PNPT1: variants seen among roughly 807,000 people sequenced by gnomAD.
The protein encoded by PNPT1 is polyribonucleotide nucleotidyltransferase 1, mitochondrial.
Under a neutral mutation model 119.5 loss-of-function variants are expected in PNPT1, and 53 were observed. That is an observed-to-expected ratio of 0.44 (90% confidence interval 0.36 to 0.56). The LOEUF (loss-of-function observed/expected upper bound fraction) is 0.56, where lower values mean the gene tolerates loss of function less well. PNPT1 is among the 20% of genes least tolerant of loss of function. PNPT1 has a pLI of 0.00. For synonymous variants in PNPT1, 357 were observed against 322.1 expected (o/e 1.11, Z -1.16); for missense variants, 948 against 938.5 (o/e 1.01, Z -0.13).
In PNPT1 at chr2:55,636,081, A is replaced by C. The variant is rs184353799; in HGVS notation, c.*156T>G. ...ACAAATATGGGTTACTCGAATTAAA[A>C]AAATGGCACATGTAAATGAGCATTT... On this transcript the variant is annotated 3_prime_UTR_variant, in exon 28 of 28. Coordinates refer to ENST00000447944, the MANE Select transcript of PNPT1 (RefSeq NM_033109.5). 69 of 425,328 alleles carry C rather than the reference A, an allele frequency of 1.6e-4. No individual in the cohort carries two copies. The highest frequency in any genetic ancestry group is 1.2e-3 in the African/African-American group (60 of 49,186). The allele number at this position is 425,328 out of a possible 1,614,324, so 26.3% of individuals were successfully genotyped here.
Position 55,693,728 on chromosome 2 carries a change from C to CTGGG in PNPT1, c.92_95dup (p.Gln32HisfsTer11). On this transcript the variant is annotated frameshift_variant, in exon 1 of 28. Transcript: ENST00000447944. LOFTEE classifies it high-confidence loss of function. ...TACTCCATAGTGCTCGCACTTGCAA[C>CTGGG]TGGGTGAGTGCCCGATCCCGCCGTG... 6.2e-7 allele frequency: 1 copy of CTGGG among 1,614,228 alleles called. No homozygotes were observed. Among genetic ancestry groups the CTGGG allele is most frequent in the Non-Finnish European group, 8.5e-7 (1 of 1,180,054 alleles).
At chr2:55,645,665 T>C (rs918487176) in intron 21 of PNPT1, among the ~76,000 whole-genome samples, 4 of 152,208 alleles carry the variant, frequency 2.6e-5, no homozygotes, top group Non-Finnish European at 5.9e-5. Context: ...CTTTGGCGTG[T>C]ATTCATGTGT....
chr2:55,646,890 G>GT (rs1696020670), intron 19 of PNPT1, among the ~76,000 whole-genome samples: 1 of 152,146 alleles, frequency 6.6e-6, no homozygotes, highest in Non-Finnish European at 1.5e-5. Flanking sequence ...CCAGGATGGA[G>GT]TGCAGTGGCA....
chr2:55,682,876 C>T (rs191501178), intron 5 of PNPT1, among the ~76,000 whole-genome samples: 2 of 152,120 alleles, frequency 1.3e-5, no homozygotes, highest in Non-Finnish European at 2.9e-5. Context: ...GCCAACTGTA[C>T]TCCAGCCTGG....
At chr2:55,663,758 C>T (rs1696651197) in intron 13 of PNPT1, among the ~76,000 whole-genome samples, 1 of 151,962 alleles carries the variant, frequency 6.6e-6, no homozygotes, top group Non-Finnish European at 1.5e-5. Context: ...GCAGGTGAAT[C>T]ACGAGGTCAG....
chr2:55,672,620 C>G (rs944729341), intron 9 of PNPT1, among the ~76,000 whole-genome samples: 1 of 152,166 alleles, frequency 6.6e-6, no homozygotes, highest in Non-Finnish European at 1.5e-5. Flanking sequence ...ACGTTTTATT[C>G]TTTTTCCTAG....
At chr2:55,646,164 T>C (rs1002678066) in intron 21 of PNPT1, 95 bp downstream of exon 21, 5 of 1,249,642 alleles carry the variant, frequency 4.0e-6, no homozygotes, top group Non-Finnish European at 5.6e-6. Flanking sequence ...AATTCCACTT[T>C]TTAAAGCAAT....
At chr2:55,680,582 G>C in intron 7 of PNPT1, 130 bp downstream of exon 7, 1 of 838,298 alleles carries the variant, frequency 1.2e-6, no homozygotes, top group Non-Finnish European at 1.9e-6. Flanking sequence ...AGGAGACTTA[G>C]AACGTCATCT....
intron 13 of PNPT1, among the ~76,000 whole-genome samples, chr2:55,664,275 C>T (rs908142998): frequency 3.3e-5 from 5 of 152,022 alleles, no homozygotes; most frequent in African/African-American, 7.3e-5. Flanking sequence ...TAAATGGTTG[C>T]GAAGTTTCTT....
chr2:55,663,029 T>G (rs1247673450), intron 13 of PNPT1, among the ~76,000 whole-genome samples: 1 of 151,996 alleles, frequency 6.6e-6, no homozygotes, highest in Non-Finnish European at 1.5e-5. Flanking sequence ...GGACTACAGG[T>G]GCGTGCCACC....
intron 8 of PNPT1, among the ~76,000 whole-genome samples, chr2:55,675,568 T>C (rs1697040040): frequency 6.6e-6 from 1 of 152,006 alleles, no homozygotes; most frequent in African/African-American, 2.4e-5. Flanking sequence ...TGTGGTGACA[T>C]GTGCCTGGAT....
chr2:55,673,325 T>C (rs550401335), intron 8 of PNPT1, among the ~76,000 whole-genome samples: 1 of 149,914 alleles, frequency 6.7e-6, no homozygotes, highest in South Asian at 2.1e-4. Context: ...GGATTTCCCA[T>C]AAAAAATGAA....
chr2:55,647,565 A>C (rs1696041707), intron 18 of PNPT1, 112 bp from the exon 19 acceptor site: 2 of 681,950 alleles, frequency 2.9e-6, no homozygotes, highest in Admixed American at 6.0e-5. Flanking sequence ...TGTTGCCCAG[A>C]CTGGAGTGCA....
chr2:55,668,802 G>A (rs1347436967), intron 11 of PNPT1, among the ~76,000 whole-genome samples: 3 of 151,832 alleles, frequency 2.0e-5, no homozygotes, highest in Non-Finnish European at 4.4e-5. Context: ...GTTTCTCCAC[G>A]TTGGTCAGGC....
At chr2:55,643,086 T>G in intron 25 of PNPT1, 72 bp downstream of exon 25, 1 of 1,503,604 alleles carries the variant, frequency 6.7e-7, no homozygotes, top group East Asian at 2.3e-5. Context: ...TGTATCCCAC[T>G]GTGGGTGGCA....
intron 8 of PNPT1, among the ~76,000 whole-genome samples, chr2:55,677,538 G>A (rs1156949550): frequency 7.5e-6 from 1 of 133,808 alleles, no homozygotes; most frequent in Non-Finnish European, 1.5e-5. Context: ...AGGTTGCAGT[G>A]AGCTGAGATC....
At position 55,634,561 on chromosome 2, in the gene PNPT1, A is replaced by T. The variant is rs111699921; in HGVS notation, c.*1676T>A. 12,636 of 116,244 alleles carry T rather than the reference A, an allele frequency of 0.11. 630 individuals are homozygous for T. The highest frequency in any genetic ancestry group is 0.16 in the South Asian group (648 of 3,974). The allele number at this position is 116,244 out of a possible 1,614,324, so 7.2% of individuals were successfully genotyped here. ...ACAGGCATGAGCTTCTGTGCCCACC[A>T]TTTTTTTTTTTGAGATGGAGTTTTA... On this transcript the variant is annotated 3_prime_UTR_variant, in exon 28 of 28. Coordinates refer to ENST00000447944, the MANE Select transcript of PNPT1 (RefSeq NM_033109.5).
intron 1 of PNPT1, among the ~76,000 whole-genome samples, chr2:55,692,710 G>C (rs1178397929): frequency 3.3e-5 from 5 of 152,134 alleles, no homozygotes; most frequent in African/African-American, 4.8e-5. Flanking sequence ...TAAAAAGATT[G>C]CGAGGATCAT....
At chr2:55,656,701 A>G (rs1696398698) in intron 15 of PNPT1, among the ~76,000 whole-genome samples, 1 of 152,230 alleles carries the variant, frequency 6.6e-6, no homozygotes, top group Non-Finnish European at 1.5e-5. Context: ...ATATTTAAAA[A>G]GTACACATTG....
Sources: gnomAD v4.1 joint callset for allele counts (sites outside exome capture counted in the v4.1 genomes callset) on GRCh38, gnomAD v4.1.1 for gene constraint, MANE v1.5 for transcripts, NCBI Gene and HGNC (gene_info 2026-07-23, HGNC 2026-07-21) for gene names.